EIF2B3: variants seen among roughly 807,000 people sequenced by gnomAD.
The protein encoded by EIF2B3 is eukaryotic translation initiation factor 2B subunit gamma, also known as translation initiation factor eIF2B subunit gamma.
A neutral mutation model predicts 54.1 loss-of-function variants in EIF2B3; 20 were observed. That is an observed-to-expected ratio of 0.37 (90% CI 0.26 to 0.54). The LOEUF is 0.54. Among genes scored for constraint, EIF2B3 ranks in the 20% least tolerant of loss-of-function variants. The pLI is 0.86. For synonymous variants in EIF2B3, 153 were observed against 188.1 expected (o/e 0.81, Z 1.52); for missense variants, 448 against 547.8 (o/e 0.82, Z 1.82).
intron 3 of EIF2B3, chr1:44,969,897 T>C (rs1353417985): frequency 6.6e-6 from 1 of 152,200 alleles, no homozygotes; most frequent in Non-Finnish European, 1.5e-5. Context: ...TCAACAAATA[T>C]GAAACATTAT....
chr1:44,938,891 A>G (rs1181340311), intron 4 of EIF2B3, among the ~76,000 whole-genome samples: 1 of 151,984 alleles, frequency 6.6e-6, no homozygotes, highest in African/African-American at 2.4e-5. Flanking sequence ...TTTGAGCTCA[A>G]GAGTTCGAGG....
At chr1:44,926,330 C>G (rs1463200169) in intron 5 of EIF2B3, among the ~76,000 whole-genome samples, 1 of 151,732 alleles carries the variant, frequency 6.6e-6, no homozygotes, top group Non-Finnish European at 1.5e-5. Context: ...TTTTTTTTAC[C>G]ACTTTTTTTT....
intron 4 of EIF2B3, among the ~76,000 whole-genome samples, chr1:44,940,456 C>T (rs1435991946): frequency 6.6e-6 from 1 of 151,904 alleles, no homozygotes; most frequent in East Asian, 1.9e-4. Flanking sequence ...TGTTATAATC[C>T]TAGGAAGATA....
At chr1:44,883,721 A>T (rs1655486290) in intron 6 of EIF2B3, among the ~76,000 whole-genome samples, 3 of 152,226 alleles carry the variant, frequency 2.0e-5, no homozygotes, top group Admixed American at 2.0e-4. Context: ...CTCTATGTGT[A>T]TTAAACTCTT....
chr1:44,893,795 C>A (rs1655878935), intron 6 of EIF2B3, among the ~76,000 whole-genome samples: 1 of 151,462 alleles, frequency 6.6e-6, no homozygotes. Context: ...AGCCTCAATT[C>A]TCCCTGTTAA....
At chr1:44,921,899 T>TTA (rs1465865117) in intron 5 of EIF2B3, among the ~76,000 whole-genome samples, 24 of 150,892 alleles carry the variant, frequency 1.6e-4, no homozygotes, top group African/African-American at 3.1e-4. Flanking sequence ...TATATATATT[T>TTA]TTTTATTTTA....
intron 7 of EIF2B3, among the ~76,000 whole-genome samples, chr1:44,880,235 A>G (rs1433073509): frequency 6.6e-6 from 1 of 152,198 alleles, no homozygotes; most frequent in Non-Finnish European, 1.5e-5. Flanking sequence ...AAAAGAGATT[A>G]CAGCTCACAC....
intron 3 of EIF2B3, among the ~76,000 whole-genome samples, chr1:44,952,288 T>TG (rs1454345004): frequency 6.7e-6 from 1 of 149,694 alleles, no homozygotes; most frequent in Non-Finnish European, 1.5e-5. Flanking sequence ...TTAGTAGAGA[T>TG]GGGGTTTCGC....
intron 5 of EIF2B3, among the ~76,000 whole-genome samples, chr1:44,911,724 T>A (rs1334597918): frequency 6.6e-6 from 1 of 152,200 alleles, no homozygotes; most frequent in Non-Finnish European, 1.5e-5. Context: ...TTTTTTATTA[T>A]ACTTTAAGTT....
intron 5 of EIF2B3, among the ~76,000 whole-genome samples, chr1:44,923,940 CTTTTT>C (rs570038780): frequency 1.5e-5 from 2 of 131,720 alleles, no homozygotes; most frequent in Non-Finnish European, 1.6e-5. Context: ...AATTTCTTTC[CTTTTT>C]TTTTTTTTTT....
At chr1:44,879,296 C>G (rs867980187) in intron 8 of EIF2B3, among the ~76,000 whole-genome samples, 2 of 152,280 alleles carry the variant, frequency 1.3e-5, no homozygotes, top group Middle Eastern at 6.8e-3. Flanking sequence ...ATCTCACAAA[C>G]TTCAAGGTTA....
intron 10 of EIF2B3, among the ~76,000 whole-genome samples, chr1:44,867,889 A>T (rs2148897855): frequency 6.6e-6 from 1 of 151,422 alleles, no homozygotes; most frequent in South Asian, 2.1e-4. Context: ...AAAAAAAAAA[A>T]ATTTGCCGTG....
intron 3 of EIF2B3, among the ~76,000 whole-genome samples, chr1:44,959,873 A>T (rs983348203): frequency 6.6e-6 from 1 of 152,180 alleles, no homozygotes; most frequent in Non-Finnish European, 1.5e-5. Context: ...TGTGTTGTTT[A>T]TGCCTTAAGT....
At chr1:44,960,669 A>G (rs1000631000) in intron 3 of EIF2B3, among the ~76,000 whole-genome samples, 5 of 152,166 alleles carry the variant, frequency 3.3e-5, no homozygotes, top group Non-Finnish European at 7.4e-5. Flanking sequence ...AATACTGGAT[A>G]ACAACTATTT....
At chr1:44,939,337 A>G (rs973777559) in intron 4 of EIF2B3, among the ~76,000 whole-genome samples, 2 of 152,152 alleles carry the variant, frequency 1.3e-5, no homozygotes, top group South Asian at 4.1e-4. Flanking sequence ...ATACTTTTTC[A>G]GAGGATAAAG....
At chr1:44,951,667 A>G (rs933076287) in intron 3 of EIF2B3, among the ~76,000 whole-genome samples, 2 of 152,172 alleles carry the variant, frequency 1.3e-5, no homozygotes, top group African/African-American at 2.4e-5. Flanking sequence ...TGATAACCCA[A>G]ATCTCAAGGG....
intron 5 of EIF2B3, among the ~76,000 whole-genome samples, chr1:44,923,541 G>T (rs1270464519): frequency 6.6e-6 from 1 of 152,044 alleles, no homozygotes; most frequent in Non-Finnish European, 1.5e-5. Context: ...GATAACCTTG[G>T]TATGTTTCTT....
chr1:44,867,868 A>G (rs949225249), intron 10 of EIF2B3, among the ~76,000 whole-genome samples: 12 of 128,600 alleles, frequency 9.3e-5, no homozygotes, highest in African/African-American at 2.9e-4. Flanking sequence ...TTCTGTCTCT[A>G]AAAAAAAAAA....
At chr1:44,872,315 G>A (rs920285442) in intron 10 of EIF2B3, among the ~76,000 whole-genome samples, 1 of 152,004 alleles carries the variant, frequency 6.6e-6, no homozygotes, top group South Asian at 2.1e-4. Flanking sequence ...CTATGGATAT[G>A]AGCCAATGTG....
Sources: gnomAD v4.1 joint callset for allele counts (sites outside exome capture counted in the v4.1 genomes callset) on GRCh38, gnomAD v4.1.1 for gene constraint, MANE v1.5 for transcripts, NCBI Gene and HGNC (gene_info 2026-07-23, HGNC 2026-07-21) for gene names.